CSGALNACT1: variants seen among roughly 807,000 people sequenced by gnomAD.
The protein encoded by CSGALNACT1 is beta4GalNAcT-1.
A neutral mutation model predicts 51.0 loss-of-function variants in CSGALNACT1; 52 were observed. That is an observed-to-expected ratio of 1.02 (90% CI 0.82 to 1.29). CSGALNACT1 has a LOEUF of 1.29. Among genes scored for constraint, CSGALNACT1 ranks in the 50% most tolerant of loss-of-function variants. CSGALNACT1 has a pLI of 0.00. For missense variants in CSGALNACT1, 935 were observed against 679.2 expected, an observed-to-expected ratio of 1.38 and a Z score of -4.19; for synonymous variants, 341 against 254.4, an observed-to-expected ratio of 1.34 and a Z score of -3.24.
intron 1 of CSGALNACT1, among the ~76,000 whole-genome samples, chr8:19,696,771 G>A (rs748176586): frequency 5.9e-5 from 9 of 152,202 alleles, no homozygotes; most frequent in Admixed American, 1.3e-4. Context: ...CATCTAGAAT[G>A]GGGGTCGGTA....
intron 3 of CSGALNACT1, chr8:19,585,072 A>C (rs1201722437): frequency 6.6e-6 from 1 of 152,232 alleles, no homozygotes; most frequent in East Asian, 1.9e-4. Context: ...ACTGCTAAGA[A>C]GTACTTCCCA....
At chr8:19,520,468 C>T (rs1357156413) in intron 3 of CSGALNACT1, among the ~76,000 whole-genome samples, 6 of 152,350 alleles carry the variant, frequency 3.9e-5, no homozygotes, top group South Asian at 4.1e-4. Context: ...TCACTCCTGG[C>T]GCCTGCCGCC....
chr8:19,517,864 G>C (rs997642276), intron 3 of CSGALNACT1, among the ~76,000 whole-genome samples: 1 of 145,250 alleles, frequency 6.9e-6, no homozygotes, highest in South Asian at 2.2e-4. Flanking sequence ...TTTGGGTGGA[G>C]ACACAGCCAA....
intron 1 of CSGALNACT1, among the ~76,000 whole-genome samples, chr8:19,751,594 T>G (rs181461562): frequency 7.2e-5 from 11 of 152,300 alleles, no homozygotes; most frequent in African/African-American, 2.6e-4. Flanking sequence ...AGTTATATAT[T>G]GATATGGTTG....
chr8:19,521,318 C>T (rs184259677), intron 3 of CSGALNACT1, among the ~76,000 whole-genome samples: 2 of 152,004 alleles, frequency 1.3e-5, no homozygotes, highest in African/African-American at 4.8e-5. Context: ...AGACTTAAAC[C>T]CAGGCTACAG....
At chr8:19,533,031 T>C (rs1029200191) in intron 3 of CSGALNACT1, among the ~76,000 whole-genome samples, 1 of 152,246 alleles carries the variant, frequency 6.6e-6, no homozygotes, top group Non-Finnish European at 1.5e-5. Flanking sequence ...TTATCTTAAA[T>C]ATTAAATGTC....
At chr8:19,533,397 C>T (rs952389716) in intron 3 of CSGALNACT1, among the ~76,000 whole-genome samples, 1 of 152,184 alleles carries the variant, frequency 6.6e-6, no homozygotes, top group African/African-American at 2.4e-5. Flanking sequence ...ATTAGGATTA[C>T]AGTCATAAGC....
chr8:19,583,084 T>A (rs1197458531), intron 3 of CSGALNACT1, among the ~76,000 whole-genome samples: 1 of 152,152 alleles, frequency 6.6e-6, no homozygotes, highest in Non-Finnish European at 1.5e-5. Context: ...ACACATGCAA[T>A]TTTTATTTGT....
chr8:19,429,167 CCTTT>C (rs2059275346), intron 6 of CSGALNACT1, among the ~76,000 whole-genome samples: 1 of 151,890 alleles, frequency 6.6e-6, no homozygotes, highest in African/African-American at 2.4e-5. Flanking sequence ...ACATTATCAA[CCTTT>C]TTTGTTGTTG....
At chr8:19,746,733 C>T (rs1484031887) in intron 1 of CSGALNACT1, among the ~76,000 whole-genome samples, 3 of 152,342 alleles carry the variant, frequency 2.0e-5, no homozygotes, top group South Asian at 2.1e-4. Context: ...GCCTACAAGT[C>T]CTCCAGAAAT....
intron 5 of CSGALNACT1, among the ~76,000 whole-genome samples, chr8:19,454,425 C>G (rs1286211266): frequency 6.6e-6 from 1 of 152,188 alleles, no homozygotes; most frequent in African/African-American, 2.4e-5. Flanking sequence ...AATCCCAGCA[C>G]TTTGGGAGGC....
At chr8:19,414,368 C>T (rs2153683041) in intron 8 of CSGALNACT1, among the ~76,000 whole-genome samples, 1 of 152,210 alleles carries the variant, frequency 6.6e-6, no homozygotes, top group Non-Finnish European at 1.5e-5. Context: ...CAGGAACTGG[C>T]AAAGCTTGAA....
chr8:19,755,400 T>A (rs1391886066), intron 1 of CSGALNACT1, among the ~76,000 whole-genome samples: 1 of 142,354 alleles, frequency 7.0e-6, no homozygotes, highest in Admixed American at 7.7e-5. Context: ...ATTTTTACAA[T>A]TTTTTTTAAA....
chr8:19,482,021 C>G (rs1447591563), intron 4 of CSGALNACT1, among the ~76,000 whole-genome samples: 1 of 152,116 alleles, frequency 6.6e-6, no homozygotes, highest in Non-Finnish European at 1.5e-5. Context: ...GATGCTTTCA[C>G]GTTATCAGCT....
intron 8 of CSGALNACT1, 29 bp from the exon 8 acceptor site, chr8:19,408,723 G>A (rs773558790): frequency 1.2e-6 from 2 of 1,604,384 alleles, no homozygotes; most frequent in Non-Finnish European, 1.7e-6. Context: ...CATTTGAGGG[G>A]AAAGTTTAGG....
intron 1 of CSGALNACT1, among the ~76,000 whole-genome samples, chr8:19,742,865 A>G (rs1277913676): frequency 6.6e-6 from 1 of 152,228 alleles, no homozygotes; most frequent in African/African-American, 2.4e-5. Flanking sequence ...GAATGAGCCT[A>G]GCTCCTGTTC....
At chr8:19,428,847 G>A (rs761151418) in intron 6 of CSGALNACT1, among the ~76,000 whole-genome samples, 6,713 of 150,990 alleles carry the variant, frequency 0.044, 192 homozygotes, top group Middle Eastern at 0.085. Context: ...GTGTGTGTGT[G>A]TGTGTGTGTG....
intron 4 of CSGALNACT1, among the ~76,000 whole-genome samples, chr8:19,489,673 A>G (rs4623445): frequency 0.38 from 58,538 of 152,056 alleles, 12,544 homozygotes; most frequent in East Asian, 0.71. Flanking sequence ...AAATGGTATG[A>G]AAATGGAGCA....
chr8:19,729,782 TC>T (rs1484522269), intron 1 of CSGALNACT1, among the ~76,000 whole-genome samples: 1 of 151,844 alleles, frequency 6.6e-6, no homozygotes, highest in African/African-American at 2.4e-5. Flanking sequence ...AGAAGGGTGG[TC>T]CCATATGACC....
Sources: gnomAD v4.1 joint callset for allele counts (sites outside exome capture counted in the v4.1 genomes callset) on GRCh38, gnomAD v4.1.1 for gene constraint, MANE v1.5 for transcripts, NCBI Gene and HGNC (gene_info 2026-07-23, HGNC 2026-07-21) for gene names.